The following INSR variants were observed in gnomAD, a reference collection of about 807,000 sequenced individuals.
The protein encoded by INSR is insulin receptor.
In INSR, 67 loss-of-function variants were observed where a neutral mutation model predicts 142.6. The ratio of observed to expected loss-of-function variants is 0.47; its 90% CI spans 0.39 to 0.58. The LOEUF (loss-of-function observed/expected upper bound fraction) is 0.58. Ranked by LOEUF, INSR falls within the 20% of genes least tolerant of loss-of-function variation. INSR has a pLI of 0.00. For synonymous variants in INSR, 756 were observed against 743.1 expected (o/e 1.02, Z -0.28); for missense variants, 1,248 against 1,833.2 (o/e 0.68, Z 5.83).
rs751222762 is a variant in INSR at position 7,117,429 on chromosome 19, C to T, written c.3795-19G>A. ...GTCAGTGCTGCGGGGCAGAAGGACACGTCCTGGGTGAGTCTGGGGGCCCTG... is the reference window on the plus strand; with the variant it reads ...GTCAGTGCTGCGGGGCAGAAGGACATGTCCTGGGTGAGTCTGGGGGCCCTG... On this transcript the variant is annotated intron_variant, in intron 21 of 21. Coordinates refer to ENST00000302850, the MANE Select transcript of INSR (RefSeq NM_000208.4). 7 of 1,593,368 alleles carry T rather than the reference C, an allele frequency of 4.4e-6. No individual in the cohort carries two copies. Among genetic ancestry groups the T allele is most frequent in the South Asian group, 2.2e-5 (2 of 89,616 alleles).
intron 3 of INSR, among the ~76,000 whole-genome samples, chr19:7,179,259 A>C (rs1974215549): frequency 6.6e-6 from 1 of 152,158 alleles, no homozygotes; most frequent in Non-Finnish European, 1.5e-5. Context: ...TATGAAACCC[A>C]AACAGTTTGT....
chr19:7,172,634 A>G (rs1829848021), intron 4 of INSR, among the ~76,000 whole-genome samples, 200 bp from the exon 5 acceptor site: 2 of 152,138 alleles, frequency 1.3e-5, no homozygotes, highest in Non-Finnish European at 2.9e-5. Context: ...GGACCTTGGC[A>G]CTGGCTGCGT....
At chr19:7,209,904 C>T (rs887568480) in intron 2 of INSR, among the ~76,000 whole-genome samples, 1 of 152,056 alleles carries the variant, frequency 6.6e-6, no homozygotes, top group South Asian at 2.1e-4. Context: ...AGAACAAAAA[C>T]GCTGTGAAAG....
At chr19:7,134,729 C>T (rs1972866239) in intron 13 of INSR, among the ~76,000 whole-genome samples, 2 of 151,766 alleles carry the variant, frequency 1.3e-5, no homozygotes, top group Admixed American at 1.3e-4. Context: ...CGTGACACTG[C>T]ACTCCAGCCT....
chr19:7,205,915 A>G (rs922765483), intron 2 of INSR, among the ~76,000 whole-genome samples: 1 of 152,138 alleles, frequency 6.6e-6, no homozygotes, highest in Non-Finnish European at 1.5e-5. Flanking sequence ...CCTGCGAGCC[A>G]CAGCTTCAAT....
intron 2 of INSR, among the ~76,000 whole-genome samples, chr19:7,184,978 AT>A (rs1974390672): frequency 6.6e-6 from 1 of 152,220 alleles, no homozygotes; most frequent in South Asian, 2.1e-4. Flanking sequence ...GGCCACCAAC[AT>A]GAAGTTACTA....
At chr19:7,272,936 G>C (rs74882170) in intron 1 of INSR, among the ~76,000 whole-genome samples, 3 of 152,254 alleles carry the variant, frequency 2.0e-5, no homozygotes, top group Non-Finnish European at 4.4e-5. Flanking sequence ...AAAAAAATCC[G>C]AAAGAGGCAA....
rs1426360966 is a variant in INSR at position 7,152,734 on chromosome 19, G to A, written c.2223C>T (p.Phe741=). The A allele has an allele frequency of 3.7e-6, 6 of 1,612,356 alleles. No individual in the cohort carries two copies. Among genetic ancestry groups the A allele is most frequent in the Non-Finnish European group, 4.2e-6 (5 of 1,179,848 alleles). ...CAGCGCCAAGTCCTGACCTGGGGACGAAAACCACGTTGTGCAGGTAATCCT... is the reference window on the plus strand; with the variant it reads ...CAGCGCCAAGTCCTGACCTGGGGACAAAAACCACGTTGTGCAGGTAATCCT... The part of the protein sequence containing the change: ...TFEDYLHNVV[F]VPRKTSSGTG... The change falls in exon 10 of 22, where the codon TTC becomes TTT. Residue 741 remains phenylalanine, a synonymous_variant. Coordinates refer to ENST00000302850, the MANE Select transcript of INSR (RefSeq NM_000208.4).
At position 7,159,657 on chromosome 19, in the gene INSR, T is replaced by C. The variant is rs545501566; in HGVS notation, c.2029+3375A>G. On this transcript the variant is annotated intron_variant, in intron 9 of 21. Transcript: ENST00000302850. The surrounding 1 kb of genome is among the most constrained non-coding windows in gnomAD (Gnocchi z 4.3). ...TGACTGGACTCGCCCTGGAGTTATATAAAGCATCAGAGCAGATAAATCACG... is the reference window on the plus strand; with the variant it reads ...TGACTGGACTCGCCCTGGAGTTATACAAAGCATCAGAGCAGATAAATCACG... 4 of 152,260 alleles carry C rather than the reference T, an allele frequency of 2.6e-5. No individual in the cohort carries two copies. The highest frequency in any genetic ancestry group is 4.1e-4 in the South Asian group (2 of 4,826). The allele number at this position is 152,260 out of a possible 1,614,324, so 9.4% of individuals were successfully genotyped here. A position where few individuals can be genotyped will look rare whatever the true frequency, so the allele number is the denominator to read the frequency against.
chr19:7,270,316 T>TTCTCTCTCTC (rs371690798), intron 1 of INSR, among the ~76,000 whole-genome samples: 3 of 128,266 alleles, frequency 2.3e-5, no homozygotes, highest in East Asian at 2.6e-4. Flanking sequence ...TATATTTCAT[T>TTCTCTCTCTC]TCTCTCTCTC....
intron 2 of INSR, among the ~76,000 whole-genome samples, chr19:7,198,400 G>T (rs997544259): frequency 1.3e-5 from 2 of 152,148 alleles, no homozygotes; most frequent in East Asian, 1.9e-4. Flanking sequence ...AGTCTGCCAC[G>T]GATGGAACTT....
intron 6 of INSR, among the ~76,000 whole-genome samples, chr19:7,169,493 C>A (rs1973962786): frequency 6.7e-6 from 1 of 149,604 alleles, no homozygotes. Context: ...AGATAATTAC[C>A]TGAACCCAGG....
chr19:7,220,403 G>A (rs2017199), intron 2 of INSR, among the ~76,000 whole-genome samples: 32,539 of 152,192 alleles, frequency 0.21, 4,395 homozygotes, highest in Non-Finnish European at 0.3. Flanking sequence ...CGAGTCTCCT[G>A]CCTCAGTTTC....
At position 7,150,374 on chromosome 19, in the gene INSR, C is replaced by G; in HGVS notation, c.2267+123G>C. ...TCTGAATTGGTGAAGCATCTGCTCT[C>G]CAGCACAGCTGCCCGCCGCATGCAA... On this transcript the variant is annotated intron_variant, in intron 11 of 21. Coordinates refer to ENST00000302850, the MANE Select transcript of INSR (RefSeq NM_000208.4). This position sits in a 1 kb window ranked among gnomAD's most constrained non-coding sequence, Gnocchi z 4.2. 1 of 823,816 alleles carries G rather than the reference C, an allele frequency of 1.2e-6. No individual in the cohort carries two copies. Among genetic ancestry groups the G allele is most frequent in the Non-Finnish European group, 2.0e-6 (1 of 488,342 alleles). 51.0% of individuals were successfully genotyped at this position (823,816 alleles called of 1,614,324 possible).
Position 7,168,137 on chromosome 19 carries a change from G to A in INSR, c.1484-43C>T, listed in dbSNP as rs1471860344. 1 of 1,608,014 alleles carries A rather than the reference G, an allele frequency of 6.2e-7. No individual in the cohort carries two copies. The highest frequency in any genetic ancestry group is 8.5e-7 in the Non-Finnish European group (1 of 1,175,618). ...AAAGGCAAAAATGAGCTATTTCAGTGTAGTTTCAGACCAAAGCCTGGGACC... is the reference window on the plus strand; with the variant it reads ...AAAGGCAAAAATGAGCTATTTCAGTATAGTTTCAGACCAAAGCCTGGGACC... On this transcript the variant is annotated intron_variant, in intron 6 of 21. Coordinates refer to ENST00000302850, the MANE Select transcript of INSR (RefSeq NM_000208.4). The surrounding 1 kb of genome is among the most constrained non-coding windows in gnomAD (Gnocchi z 4.3).
In INSR at chr19:7,231,304, T is replaced by TTG. The variant is rs1555684090; in HGVS notation, c.652+36040_652+36041insCA. Among the ~76,000 whole-genome samples, 132 of 75,344 alleles carry TTG rather than the reference T, an allele frequency of 1.8e-3. 1 individual carries two copies. The highest frequency in any genetic ancestry group is 6.8e-3 in the African/African-American group (125 of 18,260). The allele number at this position is 75,344 out of a possible 152,430, so 49.4% of individuals were successfully genotyped here. A position where few individuals can be genotyped will look rare whatever the true frequency, so the allele number is the denominator to read the frequency against. On this transcript the variant is annotated intron_variant, in intron 2 of 21. Coordinates refer to ENST00000302850, the MANE Select transcript of INSR (RefSeq NM_000208.4). ...TTTGGTGGTGTTTTTTGTTTTTTTT[T>TTG]TTTTTTTTTTTTTTGAGATGGAGTC...
At chr19:7,233,209 G>A (rs1192218590) in intron 2 of INSR, among the ~76,000 whole-genome samples, 3 of 152,102 alleles carry the variant, frequency 2.0e-5, no homozygotes, top group Non-Finnish European at 4.4e-5. Context: ...GGCCAGGCTG[G>A]TCTTGGACTC....
At chr19:7,198,369 G>A (rs1462436433) in intron 2 of INSR, among the ~76,000 whole-genome samples, 1 of 152,108 alleles carries the variant, frequency 6.6e-6, no homozygotes, top group Admixed American at 6.5e-5. Flanking sequence ...GGCCCCTCGT[G>A]GCTGCAGACC....
Position 7,166,594 on chromosome 19 carries a change from A to G in INSR, c.1611-190T>C, listed in dbSNP as rs1348720986. Reference sequence around the variant, plus strand: ...ACTGTCAACCCTGACATCTCAATGAAAAAACACAGCTTGGGCATCCCTTAT... The same window carrying G: ...ACTGTCAACCCTGACATCTCAATGAGAAAACACAGCTTGGGCATCCCTTAT... On this transcript the variant is annotated intron_variant, in intron 7 of 21. Transcript: ENST00000302850. The surrounding 1 kb of genome is among the most constrained non-coding windows in gnomAD (Gnocchi z 4.1). Among the ~76,000 whole-genome samples, 5 of 152,188 alleles carry G rather than the reference A, an allele frequency of 3.3e-5. No homozygotes were observed. Among genetic ancestry groups the G allele is most frequent in the Admixed American group, 1.3e-4 (2 of 15,268 alleles).
Sources: allele counts gnomAD v4.1 joint callset (sites outside exome capture counted in the v4.1 genomes callset), GRCh38; gene constraint gnomAD v4.1.1; non-coding constraint Gnocchi (gnomAD v3.1); transcripts MANE v1.5; gene names NCBI Gene and HGNC (gene_info 2026-07-23, HGNC 2026-07-21).